OTUD7B: variants seen among roughly 807,000 people sequenced by gnomAD.
OTUD7B encodes the protein OTU domain-containing protein 7B.
In OTUD7B, 34 loss-of-function variants were observed where a neutral mutation model predicts 82.2. That is an observed-to-expected ratio of 0.41 (90% CI 0.31 to 0.55). The LOEUF (loss-of-function observed/expected upper bound fraction) is 0.55, where lower values mean the gene tolerates loss of function less well. Ranked by LOEUF, OTUD7B falls within the 20% of genes least tolerant of loss-of-function variation. OTUD7B has a pLI of 0.20. For missense variants in OTUD7B, 944 were observed against 1,062.1 expected (o/e 0.89, Z 1.55); for synonymous variants, 398 against 402.7 (o/e 0.99, Z 0.14).
chr1:149,943,129 AAAAGACAGGGGGT>A lies in OTUD7B; in HGVS notation c.*715_*727del, dbSNP rs1278834040. On this transcript the variant is annotated 3_prime_UTR_variant, in exon 12 of 12. Coordinates refer to ENST00000581312, the MANE Select transcript of OTUD7B (RefSeq NM_020205.4). ...AATACAATTAAAGACTTAGATGAGG[AAAAGACAGGGGGT>A]AATCAGCAATCTCTTCTCAAACTGT... is the stretch of plus-strand genomic sequence containing the variant. 2 of 152,634 alleles carry A rather than the reference AAAAGACAGGGGGT, an allele frequency of 1.3e-5. No individual in the cohort carries two copies. The highest frequency in any genetic ancestry group is 2.9e-5 in the Non-Finnish European group (2 of 68,072). 9.5% of individuals were successfully genotyped at this position (152,634 alleles called of 1,614,324 possible).
At chr1:149,973,361 T>C (rs916962152) in intron 2 of OTUD7B, among the ~76,000 whole-genome samples, 2 of 152,192 alleles carry the variant, frequency 1.3e-5, no homozygotes, top group Non-Finnish European at 2.9e-5. Flanking sequence ...GAGGCCAAGG[T>C]TGCAGTGAGC....
At chr1:150,060,135 A>G in the OTUD7B span, among the ~76,000 whole-genome samples, 1 of 152,248 alleles carries the variant, frequency 6.6e-6, no homozygotes, top group African/African-American at 2.4e-5. Flanking sequence ...TGAGATTTCA[A>G]TGCCTCATCT....
intron 1 of OTUD7B, among the ~76,000 whole-genome samples, chr1:149,998,896 TATG>T (rs1351573812): frequency 6.6e-6 from 1 of 152,260 alleles, no homozygotes; most frequent in Non-Finnish European, 1.5e-5. Flanking sequence ...TAAAATGCTA[TATG>T]ATATTAGATA....
At chr1:149,966,314 T>C (rs781802157) in intron 4 of OTUD7B, among the ~76,000 whole-genome samples, 8 of 152,178 alleles carry the variant, frequency 5.3e-5, no homozygotes, top group African/African-American at 7.2e-5. Context: ...GTTGAAACTG[T>C]TGACTGCTTG....
the OTUD7B span, among the ~76,000 whole-genome samples, chr1:150,053,486 T>A: frequency 6.6e-6 from 1 of 151,854 alleles, no homozygotes; most frequent in African/African-American, 2.4e-5. Flanking sequence ...AACTTCTGCC[T>A]CTTGGGTTCA....
At chr1:150,021,265 G>GT in the OTUD7B span, among the ~76,000 whole-genome samples, 9 of 152,034 alleles carry the variant, frequency 5.9e-5, no homozygotes, top group African/African-American at 2.2e-4. Context: ...TTTGACGTCT[G>GT]TTTTTTTCCA....
intron 1 of OTUD7B, among the ~76,000 whole-genome samples, chr1:150,000,579 C>A (rs1652213007): frequency 6.6e-6 from 1 of 152,042 alleles, no homozygotes; most frequent in African/African-American, 2.4e-5. Context: ...CTAGATCTAC[C>A]TGTAGACACA....
chr1:149,957,839 C>T (rs1327858138), intron 7 of OTUD7B, among the ~76,000 whole-genome samples: 1 of 152,220 alleles, frequency 6.6e-6, no homozygotes, highest in African/African-American at 2.4e-5. Context: ...CCGAGCCAGG[C>T]ACGGGATATA....
At chr1:150,044,438 C>CT in the OTUD7B span, among the ~76,000 whole-genome samples, 5 of 152,004 alleles carry the variant, frequency 3.3e-5, no homozygotes, top group Non-Finnish European at 7.4e-5. Context: ...GAACTCCTGA[C>CT]TTCAAGTGAC....
chr1:150,055,288 T>C, the OTUD7B span, among the ~76,000 whole-genome samples: 1 of 152,146 alleles, frequency 6.6e-6, no homozygotes, highest in East Asian at 1.9e-4. Flanking sequence ...TCCACCCGCC[T>C]GGGTCTCCCA....
At chr1:150,029,735 A>G in the OTUD7B span, among the ~76,000 whole-genome samples, 3 of 152,076 alleles carry the variant, frequency 2.0e-5, no homozygotes, top group Non-Finnish European at 4.4e-5. Context: ...TATTTCAGTA[A>G]CTCACCCTAG....
At chr1:150,063,692 T>G in the OTUD7B span, among the ~76,000 whole-genome samples, 3 of 152,240 alleles carry the variant, frequency 2.0e-5, no homozygotes, top group African/African-American at 7.2e-5. Context: ...AAAGGTGGAA[T>G]CACTGAAATT....
intron 1 of OTUD7B, among the ~76,000 whole-genome samples, chr1:150,004,299 C>A (rs1389942162): frequency 6.6e-6 from 1 of 152,096 alleles, no homozygotes. Context: ...GTGGCTCATG[C>A]CTGTCATCCC....
At chr1:149,959,192 G>A (rs1648951498) in intron 7 of OTUD7B, among the ~76,000 whole-genome samples, 1 of 150,906 alleles carries the variant, frequency 6.6e-6, no homozygotes, top group East Asian at 2.0e-4. Context: ...CTGCACTCCA[G>A]CCTGGGCAAC....
At chr1:150,011,715 G>T (rs1228129676), upstream of OTUD7B, among the ~76,000 whole-genome samples, 1 of 152,156 alleles carries the variant, frequency 6.6e-6, no homozygotes, top group Non-Finnish European at 1.5e-5. Context: ...TCTAACAAAA[G>T]ACATTTGAAA....
At chr1:149,980,938 G>A (rs1650678259) in intron 1 of OTUD7B, among the ~76,000 whole-genome samples, 1 of 149,990 alleles carries the variant, frequency 6.7e-6, no homozygotes, top group South Asian at 2.1e-4. Flanking sequence ...GCTTGAGCCT[G>A]GGAGGTCAAG....
At chr1:149,982,398 C>T (rs1650817173) in intron 1 of OTUD7B, among the ~76,000 whole-genome samples, 1 of 152,028 alleles carries the variant, frequency 6.6e-6, no homozygotes, top group African/African-American at 2.4e-5. Flanking sequence ...ATTTGTTCAC[C>T]ATAGGAAAAG....
chr1:149,990,423 G>A (rs1438786813), intron 1 of OTUD7B, among the ~76,000 whole-genome samples: 4 of 152,082 alleles, frequency 2.6e-5, no homozygotes, highest in Admixed American at 6.6e-5. Flanking sequence ...ATGCTAGTCC[G>A]TATATGTGGA....
intron 3 of OTUD7B, among the ~76,000 whole-genome samples, chr1:149,967,865 G>C (rs1222701301): frequency 6.6e-5 from 10 of 152,150 alleles, no homozygotes; most frequent in African/African-American, 2.2e-4. Flanking sequence ...TGTTTGGTGG[G>C]AGGAGAGGGA....
Sources: gnomAD v4.1 joint callset for allele counts (sites outside exome capture counted in the v4.1 genomes callset) on GRCh38, gnomAD v4.1.1 for gene constraint, MANE v1.5 for transcripts, NCBI Gene and HGNC (gene_info 2026-07-23, HGNC 2026-07-21) for gene names.